The following NRXN1 variants were observed in gnomAD, a reference collection of about 807,000 sequenced individuals.
The protein encoded by NRXN1 is neurexin 1.
NRXN1 carries 39 observed loss-of-function variants against 150.9 expected under a neutral mutation model. The observed-to-expected ratio is 0.26, with a 90% CI of 0.20 to 0.34. NRXN1 has a LOEUF of 0.34. NRXN1 is among the 10% of genes least tolerant of loss of function. The pLI is 1.00. For synonymous variants in NRXN1, 924 were observed against 757.0 expected, an observed-to-expected ratio of 1.22 and a Z score of -3.62; for missense variants, 1,815 against 1,949.9, an observed-to-expected ratio of 0.93 and a Z score of 1.30.
intron 5 of NRXN1, among the ~76,000 whole-genome samples, chr2:50,776,653 C>CAA (rs1207980495): frequency 7.9e-6 from 1 of 126,202 alleles, no homozygotes; most frequent in Non-Finnish European, 1.9e-5. Flanking sequence ...TATATATACA[C>CAA]ATACACACAC....
At chr2:50,492,589 C>G (rs2091316968) in intron 15 of NRXN1, among the ~76,000 whole-genome samples, 1 of 152,124 alleles carries the variant, frequency 6.6e-6, no homozygotes, top group South Asian at 2.1e-4. Flanking sequence ...TTCTACTTCC[C>G]CTTGCAAACG....
chr2:50,435,017 T>G (rs1318449510), intron 17 of NRXN1, among the ~76,000 whole-genome samples: 1 of 152,146 alleles, frequency 6.6e-6, no homozygotes, highest in African/African-American at 2.4e-5. Context: ...GCACCTATTT[T>G]TTTTCAAAAT....
Position 50,693,436 on chromosome 2 carries a change from T to C in NRXN1, c.833-69821A>G, listed in dbSNP as rs985549848. On this transcript the variant is annotated intron_variant, in intron 5 of 22. Transcript: ENST00000401669. ...TTCTTGGAGGTGTTTTTTTAGAATA[T>C]AACTGTGGTCCTTTGGTCCACTATA... Among the ~76,000 whole-genome samples, 48 of 152,110 alleles carry C rather than the reference T, an allele frequency of 3.2e-4. 2 individuals are homozygous for C. Among genetic ancestry groups the C allele is most frequent in the Non-Finnish European group, 5.4e-4 (37 of 68,014 alleles).
At position 50,587,059 on chromosome 2, in the gene NRXN1, G is replaced by C. The variant is rs142030266; in HGVS notation, c.1320+32963C>G. Among the ~76,000 whole-genome samples the C allele has an allele frequency of 1.2e-3, 183 of 152,380 alleles. 1 individual carries two copies. Among genetic ancestry groups the C allele is most frequent in the Non-Finnish European group, 2.2e-3 (150 of 68,044 alleles). ...AAATCCTGAGTTCCAATGCAATCTT[G>C]TCTCTACCCAGCTCCCTGACCTTGG... On this transcript the variant is annotated intron_variant, in intron 8 of 22. Coordinates refer to ENST00000401669, the MANE Select transcript of NRXN1 (RefSeq NM_001330078.2).
intron 5 of NRXN1, among the ~76,000 whole-genome samples, chr2:50,785,207 C>T (rs1305342936): frequency 1.3e-5 from 2 of 149,264 alleles, no homozygotes; most frequent in East Asian, 2.0e-4. Flanking sequence ...GTACCTCGAT[C>T]GTGGATTCCA....
intron 17 of NRXN1, among the ~76,000 whole-genome samples, chr2:50,329,666 TATATATA>T (rs1242379001): frequency 0.024 from 610 of 25,082 alleles, 7 homozygotes; most frequent in African/African-American, 0.057. Flanking sequence ...TATATATATA[TATATATA>T]TTTTTTTTTT....
chr2:50,293,472 C>G (rs1352811755), intron 17 of NRXN1, among the ~76,000 whole-genome samples: 1 of 152,064 alleles, frequency 6.6e-6, no homozygotes, highest in South Asian at 2.1e-4. Flanking sequence ...AGGGAAGAAG[C>G]GGGGGAGACA....
At chr2:50,846,582 G>C (rs530497299) in intron 5 of NRXN1, among the ~76,000 whole-genome samples, 1 of 152,094 alleles carries the variant, frequency 6.6e-6, no homozygotes, top group South Asian at 2.1e-4. Flanking sequence ...CACCATAAAA[G>C]GCATTCTAAA....
chr2:50,767,001 T>C (rs973265684), intron 5 of NRXN1, among the ~76,000 whole-genome samples: 1 of 152,130 alleles, frequency 6.6e-6, no homozygotes, highest in Admixed American at 6.6e-5. Flanking sequence ...ATACCTTGGA[T>C]ACACTGGCTA....
At chr2:50,363,530 A>G (rs1431069202) in intron 17 of NRXN1, among the ~76,000 whole-genome samples, 2 of 152,370 alleles carry the variant, frequency 1.3e-5, no homozygotes, top group East Asian at 3.9e-4. Flanking sequence ...GGCAATTAAA[A>G]TCACAATGAG....
intron 3 of NRXN1, chr2:50,923,333 T>C (rs558001597): frequency 9.6e-5 from 23 of 239,184 alleles, no homozygotes; most frequent in African/African-American, 3.9e-4. Context: ...CAGCTGCAAA[T>C]ACACTAAAGC....
At chr2:50,517,378 T>C (rs1558868202) in intron 12 of NRXN1, among the ~76,000 whole-genome samples, 3 of 150,260 alleles carry the variant, frequency 2.0e-5, no homozygotes, top group Non-Finnish European at 4.4e-5. Flanking sequence ...ACTAAGTATT[T>C]GTTGAATGGG....
chr2:50,325,985 G>T (rs932908827), intron 17 of NRXN1, among the ~76,000 whole-genome samples: 10 of 152,268 alleles, frequency 6.6e-5, no homozygotes, highest in Non-Finnish European at 1.5e-4. Flanking sequence ...ATTTAGCAGA[G>T]AAAGTTTCTA....
intron 17 of NRXN1, among the ~76,000 whole-genome samples, chr2:50,353,027 G>C (rs1245178997): frequency 6.6e-6 from 1 of 151,938 alleles, no homozygotes; most frequent in Non-Finnish European, 1.5e-5. Context: ...ACAAATCAGA[G>C]GGAGTGCTGG....
At chr2:50,639,250 T>C (rs907175837) in intron 5 of NRXN1, among the ~76,000 whole-genome samples, 53 of 149,424 alleles carry the variant, frequency 3.5e-4, no homozygotes, top group Admixed American at 1.8e-3. Context: ...AGACAGATTC[T>C]TGCTCTGTCA....
chr2:50,973,976 C>T (rs950474851), intron 2 of NRXN1, among the ~76,000 whole-genome samples: 1 of 150,336 alleles, frequency 6.7e-6, no homozygotes, highest in Non-Finnish European at 1.5e-5. Context: ...AGTCCTTGCA[C>T]TCATGAGATA....
intron 2 of NRXN1, among the ~76,000 whole-genome samples, chr2:50,946,713 TC>T (rs554839855): frequency 6.6e-6 from 1 of 152,260 alleles, no homozygotes; most frequent in African/African-American, 2.4e-5. Context: ...TACACTCACC[TC>T]AATATACTTT....
chr2:50,179,004 G>T (rs1037149652), intron 18 of NRXN1, among the ~76,000 whole-genome samples: 1 of 152,004 alleles, frequency 6.6e-6, no homozygotes, highest in Non-Finnish European at 1.5e-5. Flanking sequence ...ATTTATAATT[G>T]TAATAAAAAA....
At chr2:50,726,131 C>T (rs550165953) in intron 5 of NRXN1, among the ~76,000 whole-genome samples, 1 of 152,278 alleles carries the variant, frequency 6.6e-6, no homozygotes, top group African/African-American at 2.4e-5. Flanking sequence ...TTCTTTAACA[C>T]TGTGTCACTG....
Sources: allele counts gnomAD v4.1 joint callset (sites outside exome capture counted in the v4.1 genomes callset), GRCh38; gene constraint gnomAD v4.1.1; transcripts MANE v1.5; gene names NCBI Gene and HGNC (gene_info 2026-07-23, HGNC 2026-07-21).